RBFOX1: variants seen among roughly 807,000 people sequenced by gnomAD.
RBFOX1 encodes RNA binding fox-1 homolog 1, also known as RNA binding protein fox-1 homolog 1.
Under a neutral mutation model 57.7 loss-of-function variants are expected in RBFOX1, and 8 were observed. The observed-to-expected ratio is 0.14, with a 90% confidence interval of 0.08 to 0.25. RBFOX1 has a LOEUF of 0.25. Ranked by LOEUF, RBFOX1 falls within the 10% of genes least tolerant of loss-of-function variation. The pLI is 1.00. For synonymous variants in RBFOX1, 326 were observed against 222.4 expected, an observed-to-expected ratio of 1.47 and a Z score of -4.15; for missense variants, 611 against 548.5, an observed-to-expected ratio of 1.11 and a Z score of -1.14.
In RBFOX1 at chr16:7,176,789, C is replaced by G. The variant is rs116242431; in HGVS notation, c.27+124691C>G. Among the ~76,000 whole-genome samples the G allele has an allele frequency of 2.7e-3, 411 of 152,162 alleles. 4 individuals are homozygous for G. The highest frequency in any genetic ancestry group is 9.4e-3 in the African/African-American group (389 of 41,514). ...CACGACACATATAAATAAATATGTACTTACCTATACACATATGCACAAAAC... is the reference window on the plus strand; with the variant it reads ...CACGACACATATAAATAAATATGTAGTTACCTATACACATATGCACAAAAC... On this transcript the variant is annotated intron_variant, in intron 4 of 15. Coordinates refer to ENST00000550418, the MANE Select transcript of RBFOX1 (RefSeq NM_018723.4).
chr16:6,946,370 C>T (rs1044620054), intron 3 of RBFOX1, among the ~76,000 whole-genome samples: 4 of 152,148 alleles, frequency 2.6e-5, no homozygotes, highest in Admixed American at 2.6e-4. Context: ...TGTACTGGGC[C>T]TATATTGCTT....
chr16:5,651,730 C>T (rs59224188), intron 3 of RBFOX1, among the ~76,000 whole-genome samples: 12,834 of 152,184 alleles, frequency 0.084, 1,807 homozygotes, highest in African/African-American at 0.29. Flanking sequence ...TTTTATACTT[C>T]CCTGTTAGAT....
intron 4 of RBFOX1, among the ~76,000 whole-genome samples, chr16:5,875,509 C>A (rs1016582372): frequency 6.6e-6 from 1 of 152,196 alleles, no homozygotes; most frequent in South Asian, 2.1e-4. Context: ...AGTGGAAAGG[C>A]ATACTGTAGC....
intron 5 of RBFOX1, among the ~76,000 whole-genome samples, chr16:7,542,699 GAAA>G (rs59316335): frequency 0.013 from 1,003 of 74,368 alleles, 8 homozygotes; most frequent in African/African-American, 0.039. Context: ...TACTAAAAAT[GAAA>G]AAAAAAAAAA....
chr16:6,873,657 T>C (rs544149723), intron 3 of RBFOX1, among the ~76,000 whole-genome samples: 1 of 152,342 alleles, frequency 6.6e-6, no homozygotes, highest in East Asian at 1.9e-4. Context: ...TCTGCATTCA[T>C]AGGTTTAGAA....
At chr16:7,221,154 A>G (rs896920059) in intron 4 of RBFOX1, among the ~76,000 whole-genome samples, 2 of 152,008 alleles carry the variant, frequency 1.3e-5, no homozygotes, top group Non-Finnish European at 2.9e-5. Context: ...TGTCTCTATA[A>G]TATCTCCCTG....
intron 2 of RBFOX1, among the ~76,000 whole-genome samples, chr16:6,542,203 G>A (rs1308692672): frequency 6.6e-6 from 1 of 152,082 alleles, no homozygotes; most frequent in Non-Finnish European, 1.5e-5. Context: ...TGGGATTACA[G>A]GTGTGAGCTA....
At chr16:6,440,358 C>A (rs1429051425) in intron 2 of RBFOX1, among the ~76,000 whole-genome samples, 1 of 152,092 alleles carries the variant, frequency 6.6e-6, no homozygotes, top group East Asian at 1.9e-4. Context: ...GAGAGTAGTA[C>A]TCATCTATGT....
At chr16:7,075,318 C>T (rs2058096340) in intron 4 of RBFOX1, among the ~76,000 whole-genome samples, 1 of 152,160 alleles carries the variant, frequency 6.6e-6, no homozygotes, top group Admixed American at 6.5e-5. Context: ...ATTTATAGAG[C>T]ACTGAGAGGT....
intron 2 of RBFOX1, among the ~76,000 whole-genome samples, chr16:6,446,690 T>C (rs912530631): frequency 6.6e-6 from 1 of 152,194 alleles, no homozygotes; most frequent in Non-Finnish European, 1.5e-5. Context: ...TTCTAATTAA[T>C]TTAAGTTAAT....
chr16:7,094,414 G>A (rs2061355040), intron 4 of RBFOX1, among the ~76,000 whole-genome samples: 1 of 152,152 alleles, frequency 6.6e-6, no homozygotes, highest in South Asian at 2.1e-4. Flanking sequence ...AACATGGGAA[G>A]GAAAGGTAGG....
intron 3 of RBFOX1, among the ~76,000 whole-genome samples, chr16:5,815,234 T>A (rs1459578230): frequency 1.4e-5 from 2 of 141,228 alleles, no homozygotes; most frequent in Non-Finnish European, 3.0e-5. Context: ...GCTCAAGTAA[T>A]CCTCCTGTCT....
At chr16:7,358,584 T>A (rs554885727) in intron 4 of RBFOX1, among the ~76,000 whole-genome samples, 1 of 152,240 alleles carries the variant, frequency 6.6e-6, no homozygotes, top group East Asian at 1.9e-4. Context: ...TCATGCTAGC[T>A]AATTTTTGTA....
chr16:6,955,241 G>A (rs1040467857), intron 3 of RBFOX1, among the ~76,000 whole-genome samples: 1 of 151,576 alleles, frequency 6.6e-6, no homozygotes, highest in Non-Finnish European at 1.5e-5. Context: ...ACCTTGTCTG[G>A]GAAGAAAAAA....
At chr16:5,703,201 A>G (rs1558222) in intron 3 of RBFOX1, among the ~76,000 whole-genome samples, 31,291 of 152,228 alleles carry the variant, frequency 0.21, 4,517 homozygotes, top group East Asian at 0.65. Flanking sequence ...GGCACAGGAT[A>G]CTTTGAGGTA....
At chr16:6,979,250 A>T (rs1424727221) in intron 3 of RBFOX1, among the ~76,000 whole-genome samples, 1 of 152,182 alleles carries the variant, frequency 6.6e-6, no homozygotes, top group Non-Finnish European at 1.5e-5. Flanking sequence ...AGAAAAATAC[A>T]GTTAAATAGT....
At chr16:6,870,454 A>G (rs1192486206) in intron 3 of RBFOX1, among the ~76,000 whole-genome samples, 1 of 152,188 alleles carries the variant, frequency 6.6e-6, no homozygotes, top group East Asian at 1.9e-4. Context: ...GTTTTAGTTG[A>G]CACACGTCTG....
chr16:6,339,806 G>A lies in RBFOX1; in HGVS notation c.-64+22749G>A, dbSNP rs1222651432. Among the ~76,000 whole-genome samples the A allele has an allele frequency of 5.3e-5, 8 of 152,086 alleles. No homozygotes were observed. The East Asian group carries it at 1.6e-3, about 29-fold the overall frequency. The stretch of plus-strand genomic sequence containing the variant: ...CTGCCTCAGCCTCCTGAGTAGCTGG[G>A]ATTACAGGTGCCTGCCACCATGCCC... On this transcript the variant is annotated intron_variant, in intron 2 of 15. Transcript: ENST00000550418.
intron 4 of RBFOX1, among the ~76,000 whole-genome samples, chr16:7,147,778 A>T (rs1200998193): frequency 6.6e-6 from 1 of 152,188 alleles, no homozygotes; most frequent in Non-Finnish European, 1.5e-5. Flanking sequence ...TGCAGTGAAC[A>T]TGTGAGTGCG....
Sources: allele counts gnomAD v4.1 joint callset (sites outside exome capture counted in the v4.1 genomes callset), GRCh38; gene constraint gnomAD v4.1.1; transcripts MANE v1.5; gene names NCBI Gene and HGNC (gene_info 2026-07-23, HGNC 2026-07-21).